Variants in BMX observed in about 807,000 individuals in gnomAD.
BMX encodes the protein BMX non-receptor tyrosine kinase, also known as cytoplasmic tyrosine-protein kinase BMX.
A neutral mutation model predicts 59.2 loss-of-function variants in BMX; 31 were observed. That is an observed-to-expected ratio of 0.52 (90% CI 0.39 to 0.71). The LOEUF (loss-of-function observed/expected upper bound fraction) is 0.71, where lower values mean the gene tolerates loss of function less well. Ranked by LOEUF, BMX falls within the 30% of genes least tolerant of loss-of-function variation. The pLI is 0.00. For synonymous variants in BMX, 185 were observed against 181.0 expected (o/e 1.02, Z -0.18); for missense variants, 474 against 491.7 (o/e 0.96, Z 0.34).
chrX:15,520,214 G>A (rs1002132225), intron 6 of BMX, among the ~76,000 whole-genome samples: 4 of 112,272 alleles, frequency 3.6e-5, no homozygotes, highest in Non-Finnish European at 7.5e-5. Flanking sequence ...AATTATAATC[G>A]TTAGGAGTTT....
intron 5 of BMX, 107 bp from the exon 6 acceptor site, chrX:15,517,821 TG>T: frequency 1.5e-6 from 1 of 658,833 alleles, no homozygotes; most frequent in Non-Finnish European, 2.4e-6. Flanking sequence ...TCACTTAATC[TG>T]GAGTATTGCT....
At chrX:15,515,064 C>T (rs1924096212) in intron 4 of BMX, among the ~76,000 whole-genome samples, 1 of 108,139 alleles carries the variant, frequency 9.2e-6, no homozygotes, top group Non-Finnish European at 1.9e-5. Flanking sequence ...GAAAACCAAT[C>T]ACCGCATGTT....
chrX:15,524,469 T>C (rs1299567880), intron 7 of BMX, among the ~76,000 whole-genome samples: 2 of 112,560 alleles, frequency 1.8e-5, no homozygotes, highest in Non-Finnish European at 3.8e-5. Context: ...GTACCAGTTG[T>C]ATAGATACTA....
intron 1 of BMX, 62 bp downstream of exon 1, chrX:15,501,002 C>A (rs942425965): frequency 3.8e-5 from 28 of 741,894 alleles, no homozygotes; most frequent in Non-Finnish European, 4.0e-5. Flanking sequence ...AGGTTTGGTT[C>A]CCGGTGTTGT....
chrX:15,549,092 T>C (rs925320818), intron 17 of BMX, among the ~76,000 whole-genome samples: 1 of 111,357 alleles, frequency 9.0e-6, no homozygotes, highest in African/African-American at 3.3e-5. Context: ...AGAAGTCAAC[T>C]TCAAAGGCCA....
At chrX:15,511,002 C>G (rs1302140460) in intron 3 of BMX, among the ~76,000 whole-genome samples, 1 of 111,925 alleles carries the variant, frequency 8.9e-6, no homozygotes, top group Non-Finnish European at 1.9e-5. Flanking sequence ...TGGATATTGG[C>G]AGAGATGACA....
At chrX:15,525,417 G>A (rs188533990) in intron 8 of BMX, 52 bp downstream of exon 8, 152 of 1,094,389 alleles carry the variant, frequency 1.4e-4, no homozygotes, top group Non-Finnish European at 1.8e-4. Context: ...CCATTTTCAG[G>A]AAAACTAACC....
intron 9 of BMX, among the ~76,000 whole-genome samples, chrX:15,526,332 T>C (rs1405954939): frequency 1.8e-5 from 2 of 112,319 alleles, no homozygotes; most frequent in African/African-American, 3.2e-5. Flanking sequence ...CAAATACTTA[T>C]TGGATTTATC....
Position 15,549,845 on chromosome X carries a change from CT to C in BMX, c.1802del (p.Leu601ArgfsTer23). On this transcript the variant is annotated frameshift_variant, in exon 18 of 19. Transcript: ENST00000348343. LOFTEE classifies it high-confidence loss of function. Reference sequence around the variant, plus strand: ...CACCTCTTGGTGTGGTGCAGGGATCCTGATGTGGGAGGTGTTCAGCCTGGGG... The same window carrying C: ...CACCTCTTGGTGTGGTGCAGGGATCCGATGTGGGAGGTGTTCAGCCTGGGG... Reference protein sequence around the residue: ...SKSDVWAFGILMWEVFSLGKQ... With the variant: ...SKSDVWAFGIXMWEVFSLGKQ... 8.3e-7 allele frequency: 1 copy of C among 1,205,628 alleles called. No individual in the cohort carries two copies. Among genetic ancestry groups the C allele is most frequent in the Non-Finnish European group, 1.1e-6 (1 of 892,218 alleles).
intron 16 of BMX, among the ~76,000 whole-genome samples, chrX:15,543,818 A>T (rs188851971): frequency 6.7e-4 from 75 of 111,793 alleles, no homozygotes; most frequent in Admixed American, 6.4e-3. Context: ...TTTGATTACG[A>T]TCGTTTTTTT....
At chrX:15,529,334 C>G (rs750000070) in intron 9 of BMX, among the ~76,000 whole-genome samples, 1 of 111,742 alleles carries the variant, frequency 8.9e-6, no homozygotes, top group East Asian at 2.8e-4. Context: ...CCCTCACCCC[C>G]CTCTTGTACT....
At chrX:15,518,114 C>A in intron 6 of BMX, 121 bp downstream of exon 6, 1 of 539,809 alleles carries the variant, frequency 1.9e-6, no homozygotes, top group Non-Finnish European at 3.0e-6. Flanking sequence ...GAGAGAAAAA[C>A]CATGAGCTCT....
intron 4 of BMX, 105 bp downstream of exon 4, chrX:15,511,623 C>A: frequency 1.7e-6 from 1 of 594,993 alleles, no homozygotes; most frequent in Non-Finnish European, 2.6e-6. Context: ...TAAAAAGACT[C>A]AATGCCAAGA....
Position 15,549,937 on chromosome X carries a change from T to C in BMX, c.1893T>C (p.Leu631=). 8.3e-7 allele frequency: 1 copy of C among 1,209,549 alleles called. No individual in the cohort carries two copies. Among genetic ancestry groups the C allele is most frequent in the East Asian group, 3.0e-5 (1 of 33,766 alleles). ...TGAAGGTCTCCCAGGGCCACAGGCT[T>C]TACCGGCCCCACCTGGCATCGGACA... ...VVLKVSQGHR[L]YRPHLASDTI... The change falls in exon 18 of 19, where the codon CTT becomes CTC. Residue 631 remains leucine, a synonymous_variant. Transcript: ENST00000348343.
chrX:15,549,752 G>A (rs1569231647), intron 17 of BMX, 88 bp from the exon 18 acceptor site: 3 of 1,064,582 alleles, frequency 2.8e-6, no homozygotes, highest in South Asian at 2.5e-5. Flanking sequence ...TTCCTGACCT[G>A]TTGTGTGAAA....
chrX:15,542,191 G>C lies in BMX; in HGVS notation c.1604G>C (p.Arg535Pro). Residue 535 changes from arginine (R) to proline (P), a missense_variant, in exon 15 of 19, where the codon CGG (arginine) becomes CCG (proline). Arg to Pro is a moderately radical substitution (Grantham distance 103). Transcript: ENST00000348343. ...AFLESHQFIH[R>P]DLAARNCLVD... is the part of the protein sequence containing the mutation. ...TTGGAGAGTCACCAATTCATACACC[G>C]GGACTTGGTAAGCAAAGCCATTGGA... is the stretch of plus-strand genomic sequence containing the variant. 8.3e-7 allele frequency: 1 copy of C among 1,209,512 alleles called. No homozygotes were observed. Among genetic ancestry groups the C allele is most frequent in the Non-Finnish European group, 1.1e-6 (1 of 893,809 alleles).
intron 16 of BMX, among the ~76,000 whole-genome samples, chrX:15,543,646 TAA>T (rs11364965): frequency 1.9e-5 from 2 of 105,695 alleles, no homozygotes. Flanking sequence ...TGTCTGTCAT[TAA>T]AAAAAAAACC....
intron 17 of BMX, 57 bp downstream of exon 17, chrX:15,546,978 G>A: frequency 9.9e-7 from 1 of 1,010,718 alleles, no homozygotes; most frequent in South Asian, 2.1e-5. Context: ...TTCCACAACA[G>A]GAAACCACAA....
chrX:15,533,949 T>C (rs890020342), intron 11 of BMX, among the ~76,000 whole-genome samples: 6 of 111,604 alleles, frequency 5.4e-5, no homozygotes, highest in Non-Finnish European at 7.5e-5. Flanking sequence ...AGGAGAAGCC[T>C]GGAAAGTTGG....
Sources: allele counts gnomAD v4.1 joint callset (sites outside exome capture counted in the v4.1 genomes callset), GRCh38; gene constraint gnomAD v4.1.1; transcripts MANE v1.5; gene names NCBI Gene and HGNC (gene_info 2026-07-23, HGNC 2026-07-21).